The following DAPK1 variants were observed in gnomAD, a reference collection of about 807,000 sequenced individuals.
DAPK1 encodes the protein death associated protein kinase 1.
A neutral mutation model predicts 144.9 loss-of-function variants in DAPK1; 56 were observed. The ratio of observed to expected loss-of-function variants is 0.39; its 90% confidence interval spans 0.31 to 0.48. The LOEUF (loss-of-function observed/expected upper bound fraction) is 0.48. Ranked by LOEUF, DAPK1 falls within the 20% of genes least tolerant of loss-of-function variation. DAPK1 has a pLI of 0.95. For missense variants in DAPK1, 1,454 were observed against 1,875.4 expected, an observed-to-expected ratio of 0.78 and a Z score of 4.15; for synonymous variants, 690 against 749.0, an observed-to-expected ratio of 0.92 and a Z score of 1.29.
intron 2 of DAPK1, among the ~76,000 whole-genome samples, chr9:87,581,642 C>G (rs1055484034): frequency 9.9e-5 from 15 of 152,154 alleles, no homozygotes; most frequent in African/African-American, 3.4e-4. Context: ...TACCCTAGTT[C>G]CCTTCTGGCC....
At chr9:87,502,910 A>G (rs1258559745) in intron 2 of DAPK1, among the ~76,000 whole-genome samples, 2 of 152,154 alleles carry the variant, frequency 1.3e-5, no homozygotes, top group African/African-American at 2.4e-5. Context: ...GCAAATTGGT[A>G]TCTATGATCA....
chr9:87,523,326 T>C (rs1331545636), intron 2 of DAPK1, among the ~76,000 whole-genome samples: 2 of 152,242 alleles, frequency 1.3e-5, no homozygotes, highest in Admixed American at 1.3e-4. Flanking sequence ...AGACAGGGTC[T>C]CATTCTGTTG....
At chr9:87,652,337 G>C (rs1391741900) in intron 17 of DAPK1, among the ~76,000 whole-genome samples, 3 of 118,736 alleles carry the variant, frequency 2.5e-5, no homozygotes, top group Non-Finnish European at 5.3e-5. Flanking sequence ...CCTCCCACCT[G>C]ATCCCGGGTC....
chr9:87,629,201 G>A (rs974893548), intron 3 of DAPK1, among the ~76,000 whole-genome samples: 1 of 152,194 alleles, frequency 6.6e-6, no homozygotes, highest in Non-Finnish European at 1.5e-5. Context: ...TCATAAAGGG[G>A]GAGTGTGGAT....
chr9:87,616,558 T>G (rs1829103709), intron 3 of DAPK1, among the ~76,000 whole-genome samples: 1 of 152,166 alleles, frequency 6.6e-6, no homozygotes, highest in Non-Finnish European at 1.5e-5. Flanking sequence ...GTATCAGGGT[T>G]TGGGTCAGTT....
At chr9:87,637,852 G>A in intron 3 of DAPK1, 91 bp from the exon 4 acceptor site, 1 of 1,398,246 alleles carries the variant, frequency 7.2e-7, no homozygotes, top group Non-Finnish European at 9.7e-7. Flanking sequence ...CTGTTTTCTT[G>A]TCTGAAGTTT....
chr9:87,628,175 C>T (rs569929345), intron 3 of DAPK1, among the ~76,000 whole-genome samples: 2 of 152,332 alleles, frequency 1.3e-5, no homozygotes, highest in South Asian at 2.1e-4. Flanking sequence ...TTGAGTGCCA[C>T]GCATGCATGC....
chr9:87,582,088 T>C (rs775596284), intron 2 of DAPK1, among the ~76,000 whole-genome samples: 7 of 152,134 alleles, frequency 4.6e-5, no homozygotes, highest in Non-Finnish European at 7.4e-5. Flanking sequence ...GATTTTGTAC[T>C]CTGCTGGAAT....
intron 18 of DAPK1, among the ~76,000 whole-genome samples, chr9:87,659,724 C>T (rs1830764357): frequency 6.6e-6 from 1 of 152,178 alleles, no homozygotes; most frequent in African/African-American, 2.4e-5. Flanking sequence ...GCAGGAAAAG[C>T]GTCTTCTGTC....
chr9:87,535,381 A>C (rs575573650), intron 2 of DAPK1, among the ~76,000 whole-genome samples: 79 of 152,298 alleles, frequency 5.2e-4, no homozygotes, highest in Non-Finnish European at 9.7e-4. Context: ...TTTATGGGAA[A>C]CTAGTCTGTC....
At chr9:87,587,587 A>G (rs1024251574) in intron 2 of DAPK1, among the ~76,000 whole-genome samples, 1 of 152,250 alleles carries the variant, frequency 6.6e-6, no homozygotes, top group East Asian at 1.9e-4. Flanking sequence ...AAGGCCAGAA[A>G]GACATCCGAA....
chr9:87,556,976 C>T (rs532942214), intron 2 of DAPK1, among the ~76,000 whole-genome samples: 68 of 152,234 alleles, frequency 4.5e-4, no homozygotes, highest in East Asian at 1.9e-4. Flanking sequence ...GGAACCTTGG[C>T]GGAGGTGGGC....
At chr9:87,675,895 A>ACACACACACACACACACACC (rs1179826339) in intron 19 of DAPK1, among the ~76,000 whole-genome samples, 40 of 132,890 alleles carry the variant, frequency 3.0e-4, no homozygotes, top group African/African-American at 1.1e-3. Flanking sequence ...ACACACACAC[A>ACACACACACACACACACACC]CCCTTATGAC....
intron 2 of DAPK1, among the ~76,000 whole-genome samples, chr9:87,518,530 T>C (rs1825170067): frequency 6.6e-6 from 1 of 152,108 alleles, no homozygotes; most frequent in African/African-American, 2.4e-5. Context: ...AATCTTGCTC[T>C]TTTTTTAATG....
Position 87,698,152 on chromosome 9 carries a change from T to G in DAPK1, c.2612-504T>G, listed in dbSNP as rs528371718. ...CCGGAAAAGCATATAATACAAGGAG[T>G]TGGGCTTAATGCCCCTCTGGGTACT... On this transcript the variant is annotated intron_variant, in intron 22 of 25. Transcript: ENST00000408954. 5.1e-4 allele frequency among the ~76,000 whole-genome samples: 78 copies of G among 152,226 alleles called. No homozygotes were observed. The South Asian group carries it at 0.016, about 31-fold the overall frequency.
chr9:87,625,680 A>G (rs1226830765), intron 3 of DAPK1, among the ~76,000 whole-genome samples: 1 of 152,244 alleles, frequency 6.6e-6, no homozygotes, highest in Non-Finnish European at 1.5e-5. Flanking sequence ...AAGCCCAGAA[A>G]GATTAAGTAC....
intron 10 of DAPK1, 105 bp from the exon 11 acceptor site, chr9:87,643,271 C>A: frequency 1.5e-6 from 1 of 661,038 alleles, no homozygotes; most frequent in Non-Finnish European, 2.5e-6. Flanking sequence ...CAGGCTTTGT[C>A]GTTTGTACTC....
chr9:87,547,989 G>A (rs1267219489), intron 2 of DAPK1, among the ~76,000 whole-genome samples: 6 of 152,194 alleles, frequency 3.9e-5, no homozygotes, highest in South Asian at 2.1e-4. Context: ...AGCTGGTGGC[G>A]GAAGTGCTGA....
At chr9:87,522,044 G>A (rs1170491113) in intron 2 of DAPK1, among the ~76,000 whole-genome samples, 2 of 152,190 alleles carry the variant, frequency 1.3e-5, no homozygotes, top group Admixed American at 6.5e-5. Flanking sequence ...GCAAGAAGAT[G>A]CTCACCAGGT....
Sources: allele counts gnomAD v4.1 joint callset (sites outside exome capture counted in the v4.1 genomes callset), GRCh38; gene constraint gnomAD v4.1.1; transcripts MANE v1.5; gene names NCBI Gene and HGNC (gene_info 2026-07-23, HGNC 2026-07-21).